The following GABRB1 variants were observed in gnomAD, a reference collection of about 807,000 sequenced individuals.
The protein encoded by GABRB1 is gamma-aminobutyric acid type A receptor subunit beta1.
GABRB1 carries 17 observed loss-of-function variants against 51.6 expected under a neutral mutation model. That is an observed-to-expected ratio of 0.33 (90% CI 0.23 to 0.49). The LOEUF (loss-of-function observed/expected upper bound fraction) is 0.49, where lower values mean the gene tolerates loss of function less well. Among genes scored for constraint, GABRB1 ranks in the 20% least tolerant of loss-of-function variants. The pLI is 0.99. For missense variants in GABRB1, 410 were observed against 600.6 expected (o/e 0.68, Z 3.32); for synonymous variants, 247 against 218.9 (o/e 1.13, Z -1.14).
intron 3 of GABRB1, among the ~76,000 whole-genome samples, chr4:47,130,121 C>A (rs562674358): frequency 6.6e-5 from 10 of 152,288 alleles, no homozygotes; most frequent in African/African-American, 1.9e-4. Flanking sequence ...TTTGCTCCCC[C>A]ACATTTTCTC....
chr4:47,350,925 C>A (rs1379203123), intron 5 of GABRB1, among the ~76,000 whole-genome samples: 1 of 152,164 alleles, frequency 6.6e-6, no homozygotes, highest in African/African-American at 2.4e-5. Context: ...AACTGAGAGG[C>A]TTTCACAGAT....
rs1385681079 is a variant in GABRB1 at position 47,425,902 on chromosome 4, A to C, written c.1309A>C (p.Lys437Gln). 3 of 1,614,118 alleles carry C rather than the reference A, an allele frequency of 1.9e-6. No homozygotes were observed. Among genetic ancestry groups the C allele is most frequent in the Non-Finnish European group, 2.5e-6 (3 of 1,179,946 alleles). Residue 437 changes from lysine (K) to glutamine (Q), a missense_variant, in exon 9 of 9, where the codon AAA (lysine) becomes CAA (glutamine). Physicochemically the swap from Lys to Gln is moderately conservative, Grantham distance 53 (BLOSUM62 1). Around this residue, in one of 5 missense-constraint regions of GABRB1, gnomAD observed 181 missense variants for 195.6 expected, o/e 0.93. Transcript: ENST00000295454. Reference protein sequence around the residue: ...GRIRRRASQLKVKIPDLTDVN... With the variant: ...GRIRRRASQLQVKIPDLTDVN... ...CATCCGCAGGCGTGCCTCCCAGCTC[A>C]AAGTCAAGATCCCCGACTTGACTGA...
chr4:47,243,702 A>T (rs1478947835), intron 4 of GABRB1, among the ~76,000 whole-genome samples: 7 of 152,170 alleles, frequency 4.6e-5, no homozygotes, highest in African/African-American at 1.4e-4. Flanking sequence ...ATTGGTGTAG[A>T]TGAATGCTTG....
intron 3 of GABRB1, among the ~76,000 whole-genome samples, chr4:47,109,182 G>C (rs934530371): frequency 6.6e-6 from 1 of 152,064 alleles, no homozygotes; most frequent in East Asian, 1.9e-4. Flanking sequence ...GGATAGCTTA[G>C]AGTGGGGAGA....
intron 3 of GABRB1, among the ~76,000 whole-genome samples, chr4:47,066,433 A>T (rs1727086209): frequency 6.6e-6 from 1 of 152,188 alleles, no homozygotes; most frequent in Admixed American, 6.5e-5. Context: ...ATGTTGTTCT[A>T]TAGCATTTTA....
At chr4:47,248,991 G>A (rs569026832) in intron 4 of GABRB1, among the ~76,000 whole-genome samples, 2 of 151,762 alleles carry the variant, frequency 1.3e-5, no homozygotes, top group African/African-American at 4.8e-5. Flanking sequence ...TATTTTGTTT[G>A]TTTGTTTCAA....
At chr4:47,191,027 A>G (rs1330497135) in intron 4 of GABRB1, among the ~76,000 whole-genome samples, 2 of 152,302 alleles carry the variant, frequency 1.3e-5, no homozygotes, top group Non-Finnish European at 2.9e-5. Flanking sequence ...TTTTCGGGTC[A>G]TTAAGCTCCC....
chr4:47,185,709 C>G (rs1469007392), intron 4 of GABRB1, among the ~76,000 whole-genome samples: 1 of 151,856 alleles, frequency 6.6e-6, no homozygotes, highest in African/African-American at 2.4e-5. Context: ...GCTAATAACA[C>G]AAACTACCTC....
intron 3 of GABRB1, among the ~76,000 whole-genome samples, chr4:47,096,799 G>A (rs1157930185): frequency 6.6e-6 from 1 of 152,134 alleles, no homozygotes; most frequent in Non-Finnish European, 1.5e-5. Flanking sequence ...AAAGGTCTAT[G>A]AGCAGAGGAA....
chr4:46,997,324 A>C (rs1220350780), intron 1 of GABRB1, among the ~76,000 whole-genome samples: 3 of 151,808 alleles, frequency 2.0e-5, no homozygotes, highest in Non-Finnish European at 4.4e-5. Flanking sequence ...CGAGTACCTA[A>C]AATCTACTCT....
rs71195611 is a variant in GABRB1 at position 47,172,631 on chromosome 4, CTTTTTTTTTT to C, written c.461+11181_461+11190del. On this transcript the variant is annotated intron_variant, in intron 4 of 8. Coordinates refer to ENST00000295454, the MANE Select transcript of GABRB1 (RefSeq NM_000812.4). The stretch of plus-strand genomic sequence containing the variant: ...TCTTCTAGGACAAGTTTAGATTTAA[CTTTTTTTTTT>C]TTTTTTTTTTTTTTTTTTGAGATGG... 5.3e-3 allele frequency among the ~76,000 whole-genome samples: 350 copies of C among 65,846 alleles called. 2 individuals are homozygous for C. Among genetic ancestry groups the C allele is most frequent in the African/African-American group, 0.021 (321 of 15,368 alleles). The allele number at this position is 65,846 out of a possible 152,430, so 43.2% of individuals were successfully genotyped here.
At chr4:47,217,898 C>T (rs73144192) in intron 4 of GABRB1, among the ~76,000 whole-genome samples, 1,937 of 151,800 alleles carry the variant, frequency 0.013, 38 homozygotes, top group African/African-American at 0.044. Flanking sequence ...TAACTGTAGT[C>T]ACTCCACTGT....
At chr4:47,356,206 T>C (rs1025861057) in intron 5 of GABRB1, among the ~76,000 whole-genome samples, 4 of 152,190 alleles carry the variant, frequency 2.6e-5, no homozygotes, top group African/African-American at 9.7e-5. Flanking sequence ...CTCATCGTTA[T>C]ATCCTTGGAG....
intron 3 of GABRB1, among the ~76,000 whole-genome samples, chr4:47,038,441 C>A (rs1725691267): frequency 6.6e-6 from 1 of 152,180 alleles, no homozygotes; most frequent in African/African-American, 2.4e-5. Flanking sequence ...GGAATTATTT[C>A]TATGTGGAGC....
At chr4:47,008,853 C>CTTTTTTTTTTTTTTTTTTTTTTTTTT (rs1491180948) in intron 1 of GABRB1, among the ~76,000 whole-genome samples, 4 of 80,096 alleles carry the variant, frequency 5.0e-5, no homozygotes, top group Admixed American at 1.6e-4. Context: ...CAGATACTAC[C>CTTTTTTTTTTTTTTTTTTTTTTTTTT]TTTTTTTTTT....
intron 4 of GABRB1, among the ~76,000 whole-genome samples, chr4:47,232,067 T>C (rs979468880): frequency 6.6e-6 from 1 of 152,170 alleles, no homozygotes; most frequent in South Asian, 2.1e-4. Flanking sequence ...AAATTTGTGA[T>C]GTATCCAATA....
At chr4:47,127,113 A>G (rs1289101074) in intron 3 of GABRB1, among the ~76,000 whole-genome samples, 6 of 151,844 alleles carry the variant, frequency 4.0e-5, no homozygotes, top group South Asian at 2.1e-4. Context: ...AAAAAAACCT[A>G]TTTAAATCCC....
intron 4 of GABRB1, among the ~76,000 whole-genome samples, chr4:47,258,798 A>G (rs997486768): frequency 6.6e-6 from 1 of 152,176 alleles, no homozygotes; most frequent in Non-Finnish European, 1.5e-5. Flanking sequence ...TTTTCCTAAA[A>G]AGTGTCTCAT....
At chr4:47,141,900 A>C (rs896039962) in intron 3 of GABRB1, among the ~76,000 whole-genome samples, 5 of 151,882 alleles carry the variant, frequency 3.3e-5, no homozygotes, top group African/African-American at 1.2e-4. Flanking sequence ...AGACTCTATC[A>C]CCATACCCCC....
Sources: allele counts gnomAD v4.1 joint callset (sites outside exome capture counted in the v4.1 genomes callset), GRCh38; gene constraint gnomAD v4.1.1; regional missense constraint gnomAD v4.1.1; transcripts MANE v1.5; gene names NCBI Gene and HGNC (gene_info 2026-07-23, HGNC 2026-07-21).